Variants in SLC16A9 observed in about 807,000 individuals in gnomAD.
SLC16A9 encodes monocarboxylate transporter 9.
A neutral mutation model predicts 44.3 loss-of-function variants in SLC16A9; 26 were observed. The observed-to-expected ratio is 0.59, with a 90% CI of 0.43 to 0.81. The LOEUF is 0.81. SLC16A9 is among the 40% of genes least tolerant of loss of function. The pLI is 0.00. For synonymous variants in SLC16A9, 230 were observed against 225.1 expected (o/e 1.02, Z -0.19); for missense variants, 559 against 595.8 (o/e 0.94, Z 0.64).
In SLC16A9 at chr10:59,654,190, C is replaced by T; in HGVS notation, c.836G>A (p.Cys279Tyr). 1 of 1,613,940 alleles carries T rather than the reference C, an allele frequency of 6.2e-7. No individual in the cohort carries two copies. Among genetic ancestry groups the T allele is most frequent in the Non-Finnish European group, 8.5e-7 (1 of 1,179,976 alleles). The part of the protein sequence containing the change: ...KKKVAEQTYF[C>Y]KQLAKRKWQL... ...CCACTTCCTCTTGGCAAGCTGTTTG[C>T]AAAAATATGTCTGTTCTGCAACTTT... Residue 279 changes from cysteine (C) to tyrosine (Y), a missense_variant, in exon 5 of 6, where the codon TGC becomes TAC. Physicochemically the swap from Cys to Tyr is radical, Grantham distance 194. Transcript: ENST00000395348.
intron 1 of SLC16A9, among the ~76,000 whole-genome samples, chr10:59,709,054 A>G (rs1355556860): frequency 6.6e-6 from 1 of 152,148 alleles, no homozygotes; most frequent in African/African-American, 2.4e-5. Context: ...GGACCAAGGC[A>G]GTTGGAGGCC....
rs543825151 is a variant in SLC16A9 at position 59,697,292 on chromosome 10, G to T, written c.-37+12187C>A. ...AATGGCGGTTTTGTGGAATAGAAAG[G>T]GGGGAAAGGTGGGGAAAAGATTGAG... On this transcript the variant is annotated intron_variant, in intron 1 of 5. Coordinates refer to ENST00000395348, the MANE Select transcript of SLC16A9 (RefSeq NM_194298.3). Among the ~76,000 whole-genome samples, 630 of 151,156 alleles carry T rather than the reference G, an allele frequency of 4.2e-3. 8 individuals are homozygous for T. Among genetic ancestry groups the T allele is most frequent in the African/African-American group, 0.014 (597 of 41,448 alleles).
intron 3 of SLC16A9, among the ~76,000 whole-genome samples, chr10:59,670,875 CTG>C (rs978075130): frequency 4.6e-5 from 7 of 152,112 alleles, no homozygotes; most frequent in Non-Finnish European, 1.0e-4. Flanking sequence ...TGAAATAAAA[CTG>C]TGAAGAAATC....
At chr10:59,696,837 C>T (rs1193842425) in intron 1 of SLC16A9, among the ~76,000 whole-genome samples, 3 of 151,562 alleles carry the variant, frequency 2.0e-5, no homozygotes, top group Non-Finnish European at 2.9e-5. Context: ...GCAGCCACAC[C>T]GTCTGAGAAG....
chr10:59,705,000 G>C (rs1840607148), intron 1 of SLC16A9, among the ~76,000 whole-genome samples: 1 of 152,104 alleles, frequency 6.6e-6, no homozygotes, highest in African/African-American at 2.4e-5. Context: ...GGTGATTTGG[G>C]GAGTTTATTG....
upstream of SLC16A9, chr10:59,709,965 G>C (rs893612962): frequency 2.6e-5 from 4 of 151,816 alleles, no homozygotes; most frequent in African/African-American, 9.7e-5. Context: ...CTCCCGGCCC[G>C]GCCAGGAGTA....
At chr10:59,653,478 C>T (rs1327318670) in intron 5 of SLC16A9, among the ~76,000 whole-genome samples, 197 bp downstream of exon 5, 2 of 128,702 alleles carry the variant, frequency 1.6e-5, no homozygotes, top group Admixed American at 8.4e-5. Flanking sequence ...AAATAAAGAG[C>T]GAACACAAAT....
chr10:59,707,480 A>G (rs1216509525), intron 1 of SLC16A9, among the ~76,000 whole-genome samples: 1 of 151,446 alleles, frequency 6.6e-6, no homozygotes, highest in Non-Finnish European at 1.5e-5. Context: ...GTTAGATAGG[A>G]GCAATAAGTT....
chr10:59,695,287 ACAC>A (rs1387308667), intron 1 of SLC16A9, among the ~76,000 whole-genome samples: 4 of 152,154 alleles, frequency 2.6e-5, no homozygotes, highest in Non-Finnish European at 5.9e-5. Context: ...AAGGAATTAT[ACAC>A]TTTAAATAAG....
chr10:59,681,830 T>TG lies in SLC16A9; in HGVS notation c.196+2265_196+2266insC, dbSNP rs1448070030. On this transcript the variant is annotated intron_variant, in intron 2 of 5. Transcript: ENST00000395348. ...TATATGTATATATGATGTATATGTA[T>TG]ATGTATATGATGTATATGTATATGT... Among the ~76,000 whole-genome samples, 13 of 35,996 alleles carry TG rather than the reference T, an allele frequency of 3.6e-4. 1 individual carries two copies. The highest frequency in any genetic ancestry group is 1.0e-3 in the African/African-American group (13 of 12,712). The allele number at this position is 35,996 out of a possible 152,430, so 23.6% of individuals were successfully genotyped here.
In SLC16A9 at chr10:59,652,588, G is replaced by C. The variant is rs1190850588; in HGVS notation, c.*184C>G. The C allele has an allele frequency of 4.1e-6, 2 of 493,292 alleles. No individual in the cohort carries two copies. The highest frequency in any genetic ancestry group is 7.0e-6 in the Non-Finnish European group (2 of 285,890). The allele number at this position is 493,292 out of a possible 1,614,324, so 30.6% of individuals were successfully genotyped here. A position where few individuals can be genotyped will look rare whatever the true frequency, so the allele number is the denominator to read the frequency against. The stretch of plus-strand genomic sequence containing the variant: ...GAGAAATAGAAAAAAATACGAGATA[G>C]AGGCTACGCATACACTACATAAAAA... On this transcript the variant is annotated 3_prime_UTR_variant, in exon 6 of 6. Transcript: ENST00000395348.
chr10:59,708,557 A>C (rs1056360524), intron 1 of SLC16A9: 9 of 152,218 alleles, frequency 5.9e-5, no homozygotes, highest in African/African-American at 2.2e-4. Flanking sequence ...AAACACATCA[A>C]AACTGTAGCC....
At chr10:59,675,065 G>A (rs1017184124) in intron 2 of SLC16A9, among the ~76,000 whole-genome samples, 2 of 152,140 alleles carry the variant, frequency 1.3e-5, no homozygotes, top group Admixed American at 6.5e-5. Context: ...TGGAAACAGG[G>A]TTTAAAATTC....
chr10:59,674,178 G>GT (rs957342521), intron 2 of SLC16A9, among the ~76,000 whole-genome samples: 1 of 152,278 alleles, frequency 6.6e-6, no homozygotes, highest in Admixed American at 6.5e-5. Context: ...CTGTATGTAT[G>GT]TGTCTTTTAC....
At chr10:59,706,630 TACACAC>T (rs60450481) in intron 1 of SLC16A9, among the ~76,000 whole-genome samples, 1 of 146,022 alleles carries the variant, frequency 6.8e-6, no homozygotes, top group African/African-American at 2.6e-5. Context: ...AGAAATGTGA[TACACAC>T]ACACACACAC....
At chr10:59,669,259 C>T (rs1029350239) in intron 3 of SLC16A9, among the ~76,000 whole-genome samples, 2 of 152,262 alleles carry the variant, frequency 1.3e-5, no homozygotes, top group East Asian at 3.9e-4. Context: ...CACCTCCTAC[C>T]CACCTAATTT....
intron 3 of SLC16A9, among the ~76,000 whole-genome samples, chr10:59,667,507 G>A (rs891613342): frequency 2.0e-5 from 3 of 152,228 alleles, no homozygotes; most frequent in South Asian, 2.1e-4. Flanking sequence ...TGATATTTAC[G>A]TTAACATCTA....
intron 3 of SLC16A9, 26 bp from the exon 4 acceptor site, chr10:59,664,348 A>G (rs1242766378): frequency 6.7e-7 from 1 of 1,487,864 alleles, no homozygotes; most frequent in Non-Finnish European, 9.3e-7. Flanking sequence ...CATTGCATAA[A>G]TTAAGACGCT....
chr10:59,693,619 T>TTATG (rs1418072775), intron 1 of SLC16A9, among the ~76,000 whole-genome samples: 1 of 80,548 alleles, frequency 1.2e-5, no homozygotes, highest in Non-Finnish European at 2.5e-5. Flanking sequence ...TATTATTTAT[T>TTATG]TATTTATTTA....
Sources: allele counts gnomAD v4.1 joint callset (sites outside exome capture counted in the v4.1 genomes callset), GRCh38; gene constraint gnomAD v4.1.1; transcripts MANE v1.5; gene names NCBI Gene and HGNC (gene_info 2026-07-23, HGNC 2026-07-21).